CLNK: variants seen among roughly 807,000 people sequenced by gnomAD.
The protein encoded by CLNK is cytokine dependent hematopoietic cell linker.
Under a neutral mutation model 68.6 loss-of-function variants are expected in CLNK, and 74 were observed. The observed-to-expected ratio is 1.08, with a 90% CI of 0.89 to 1.31. CLNK has a LOEUF of 1.31. Among genes scored for constraint, CLNK ranks in the 50% most tolerant of loss-of-function variants. The pLI, the probability that CLNK is intolerant of heterozygous loss-of-function variation, is 0.00. For missense variants in CLNK, 553 were observed against 515.3 expected (o/e 1.07, Z -0.71); for synonymous variants, 198 against 172.2 (o/e 1.15, Z -1.17).
At chr4:10,710,298 G>C in the CLNK span, among the ~76,000 whole-genome samples, 1 of 152,064 alleles carries the variant, frequency 6.6e-6, no homozygotes, top group South Asian at 2.1e-4. Flanking sequence ...TCTCAGTCTG[G>C]GAGTGATGAG....
the CLNK span, among the ~76,000 whole-genome samples, chr4:10,723,168 G>A: frequency 6.6e-6 from 1 of 152,306 alleles, no homozygotes; most frequent in Non-Finnish European, 1.5e-5. Flanking sequence ...TGCAAATGAA[G>A]AGGATGTTTC....
chr4:10,633,623 A>G (rs1722971894), intron 2 of CLNK, among the ~76,000 whole-genome samples: 2 of 152,220 alleles, frequency 1.3e-5, no homozygotes, highest in African/African-American at 4.8e-5. Flanking sequence ...GTCTATCTGC[A>G]AGGTCTCCAA....
intron 2 of CLNK, among the ~76,000 whole-genome samples, chr4:10,602,300 G>A (rs73228245): frequency 6.6e-6 from 1 of 152,130 alleles, no homozygotes; most frequent in Non-Finnish European, 1.5e-5. Flanking sequence ...TGGGTTTAAC[G>A]ACGTGTACCA....
intron 3 of CLNK, among the ~76,000 whole-genome samples, chr4:10,589,027 A>G (rs1027843022): frequency 3.9e-5 from 6 of 152,228 alleles, no homozygotes; most frequent in Non-Finnish European, 7.3e-5. Flanking sequence ...CATAGTGCCT[A>G]CACCTAACGG....
chr4:10,680,781 C>T (rs554754201), intron 1 of CLNK, among the ~76,000 whole-genome samples: 27 of 152,202 alleles, frequency 1.8e-4, no homozygotes, highest in African/African-American at 6.3e-4. Context: ...AATAACTTGT[C>T]TAAAACCATA....
At position 10,489,669 on chromosome 4, in the gene CLNK, C is replaced by CTTTTTTTTTTTTTTTTTTT. The variant is rs72173722; in HGVS notation, c.*797_*798insAAAAAAAAAAAAAAAAAAA. ...GAGCTAATATTCACCAACCCAACAC[C>CTTTTTTTTTTTTTTTTTTT]TTTTTTTTTTTTTGAGACGGAGTCT... is the stretch of plus-strand genomic sequence containing the variant. On this transcript the variant is annotated 3_prime_UTR_variant, in exon 19 of 19. Transcript: ENST00000226951. The CTTTTTTTTTTTTTTTTTTT allele has an allele frequency of 2.1e-4, 13 of 62,366 alleles. 2 individuals are homozygous for CTTTTTTTTTTTTTTTTTTT. Among genetic ancestry groups the CTTTTTTTTTTTTTTTTTTT allele is most frequent in the Admixed American group, 6.0e-4 (2 of 3,306 alleles). The allele number at this position is 62,366 out of a possible 1,614,324, so 3.9% of individuals were successfully genotyped here. A position where few individuals can be genotyped will look rare whatever the true frequency, so the allele number is the denominator to read the frequency against.
chr4:10,616,078 T>C lies in CLNK; in HGVS notation c.12-18029A>G, dbSNP rs1167903675. Among the ~76,000 whole-genome samples, 11 of 152,218 alleles carry C rather than the reference T, an allele frequency of 7.2e-5. 1 individual carries two copies. Among genetic ancestry groups the C allele is most frequent in the Non-Finnish European group, 1.6e-4 (11 of 68,044 alleles). On this transcript the variant is annotated intron_variant, in intron 2 of 18. Coordinates refer to ENST00000226951, the MANE Select transcript of CLNK (RefSeq NM_052964.4). ...GACAAAATTAGACTAAAAGCAAAGA[T>C]AATGAATATACAAAATACATGAATT...
At chr4:10,612,196 A>G (rs1476525388) in intron 2 of CLNK, among the ~76,000 whole-genome samples, 1 of 152,220 alleles carries the variant, frequency 6.6e-6, no homozygotes, top group Non-Finnish European at 1.5e-5. Flanking sequence ...CATTTATTTT[A>G]TTTCCATATT....
At chr4:10,603,761 G>A (rs1675615905) in intron 2 of CLNK, among the ~76,000 whole-genome samples, 1 of 152,200 alleles carries the variant, frequency 6.6e-6, no homozygotes, top group South Asian at 2.1e-4. Context: ...CAGTCAGTGG[G>A]TGTGGGCTGC....
At chr4:10,697,616 A>G in the CLNK span, 2 of 152,242 alleles carry the variant, frequency 1.3e-5, no homozygotes, top group Admixed American at 1.3e-4. Flanking sequence ...CAGTCCAACA[A>G]GAATGGCTTC....
At chr4:10,566,213 C>T (rs1720107507) in intron 5 of CLNK, 63 bp from the exon 6 acceptor site, 1 of 1,559,102 alleles carries the variant, frequency 6.4e-7, no homozygotes, top group South Asian at 1.1e-5. Flanking sequence ...AGACAGGCTA[C>T]AGTGCTGGCT....
In CLNK at chr4:10,511,278, C is replaced by T. The variant is rs569015065; in HGVS notation, c.906+2186G>A. 3.9e-5 allele frequency among the ~76,000 whole-genome samples: 6 copies of T among 152,322 alleles called. No homozygotes were observed. In the South Asian group the frequency reaches 1.2e-3, roughly 32 times the overall value. On this transcript the variant is annotated intron_variant, in intron 16 of 18. Transcript: ENST00000226951. Reference sequence around the variant, plus strand: ...ACATGTTCTCAGGATCTCTGGAGAGCTGTGTCACGGGCCATGGTCACTCAT... The same window carrying T: ...ACATGTTCTCAGGATCTCTGGAGAGTTGTGTCACGGGCCATGGTCACTCAT...
intron 13 of CLNK, among the ~76,000 whole-genome samples, chr4:10,526,609 C>A (rs993222517): frequency 5.3e-5 from 8 of 152,208 alleles, no homozygotes; most frequent in Non-Finnish European, 1.0e-4. Context: ...CTCGTCATGG[C>A]GCTTGTATTC....
At chr4:10,727,531 C>T in the CLNK span, among the ~76,000 whole-genome samples, 18 of 152,196 alleles carry the variant, frequency 1.2e-4, no homozygotes, top group African/African-American at 2.9e-4. Context: ...GCATACCTTG[C>T]GATCAGCTAT....
chr4:10,677,975 C>A (rs917643265), intron 1 of CLNK, among the ~76,000 whole-genome samples: 6 of 152,142 alleles, frequency 3.9e-5, no homozygotes, highest in African/African-American at 1.4e-4. Flanking sequence ...TCCTGTCATT[C>A]TGTGCAAGAG....
At chr4:10,501,492 A>G in intron 17 of CLNK, 81 bp from the exon 18 acceptor site, 1 of 1,372,600 alleles carries the variant, frequency 7.3e-7, no homozygotes, top group East Asian at 2.4e-5. Context: ...TGATGTCTGC[A>G]TGCATGAGAT....
chr4:10,690,639 T>C, the CLNK span, among the ~76,000 whole-genome samples: 64 of 152,204 alleles, frequency 4.2e-4, no homozygotes, highest in African/African-American at 1.4e-3. Context: ...ATATATGCTA[T>C]AATTGTGCTA....
At chr4:10,628,514 G>A (rs886498924) in intron 2 of CLNK, among the ~76,000 whole-genome samples, 6 of 152,104 alleles carry the variant, frequency 3.9e-5, no homozygotes, top group Admixed American at 3.9e-4. Flanking sequence ...GACTAAGACG[G>A]CACCTAGAAT....
the CLNK span, among the ~76,000 whole-genome samples, chr4:10,724,085 T>TC: frequency 6.6e-6 from 1 of 152,180 alleles, no homozygotes; most frequent in Admixed American, 6.5e-5. Flanking sequence ...GGGGATGCTC[T>TC]CAGCATAAGT....
Sources: allele counts gnomAD v4.1 joint callset (sites outside exome capture counted in the v4.1 genomes callset), GRCh38; gene constraint gnomAD v4.1.1; transcripts MANE v1.5; gene names NCBI Gene and HGNC (gene_info 2026-07-23, HGNC 2026-07-21).